The following RBM46 variants were observed in gnomAD, a reference collection of about 807,000 sequenced individuals.
RBM46 encodes RNA binding motif protein 46.
A neutral mutation model predicts 43.3 loss-of-function variants in RBM46; 12 were observed. That is an observed-to-expected ratio of 0.28 (90% CI 0.18 to 0.45). RBM46 has a LOEUF of 0.45. Ranked by LOEUF, RBM46 falls within the 20% of genes least tolerant of loss-of-function variation. The probability of loss-of-function intolerance (pLI) is 1.00; values close to 1 mark genes in which losing one functional copy is unlikely to be tolerated. For synonymous variants in RBM46, 205 were observed against 207.6 expected (o/e 0.99, Z 0.11); for missense variants, 412 against 639.1 (o/e 0.64, Z 3.83).
intron 4 of RBM46, among the ~76,000 whole-genome samples, chr4:154,809,571 A>G (rs1735080012): frequency 6.6e-6 from 1 of 152,158 alleles, no homozygotes; most frequent in Non-Finnish European, 1.5e-5. Flanking sequence ...CTTTAAATAT[A>G]TAGTATATTG....
rs1734441625 is a variant in RBM46, at chr4:154,798,184, A to G, written c.525A>G (p.Pro175=). 1.9e-6 allele frequency: 3 copies of G among 1,613,892 alleles called. No homozygotes were observed. Among genetic ancestry groups the G allele is most frequent in the Non-Finnish European group, 1.7e-6 (2 of 1,179,936 alleles). ...TEGVVDVIVY[P]SATDKTKNRG... ...GAGTTGTAGATGTCATTGTTTATCC[A>G]AGTGCAACTGATAAGACCAAAAATC... The change falls in exon 3 of 5, where the codon CCA becomes CCG. Residue 175 remains proline, a synonymous_variant. Transcript: ENST00000281722.
At chr4:154,789,803 C>G (rs537590835) in intron 1 of RBM46, among the ~76,000 whole-genome samples, 3 of 152,134 alleles carry the variant, frequency 2.0e-5, no homozygotes, top group Non-Finnish European at 4.4e-5. Flanking sequence ...CCATCTGGTC[C>G]TGGACTTTTT....
At position 154,827,853 on chromosome 4, in the gene RBM46, T is replaced by C; in HGVS notation, c.1403-15T>C. On this transcript the variant is annotated splice_polypyrimidine_tract_variant and intron_variant, in intron 4 of 4. Transcript: ENST00000281722. ...TAAAGATGTACAGCATAATTGTTCA[T>C]GTATTTATTTACAGACTACAATTTC... 3 of 1,612,878 alleles carry C rather than the reference T, an allele frequency of 1.9e-6. No individual in the cohort carries two copies. Among genetic ancestry groups the C allele is most frequent in the Non-Finnish European group, 2.5e-6 (3 of 1,178,906 alleles).
Position 154,785,223 on chromosome 4 carries a change from A to G in RBM46, c.-12+3787A>G, listed in dbSNP as rs142133768. Among the ~76,000 whole-genome samples the G allele has an allele frequency of 3.3e-5, 5 of 152,190 alleles. No individual in the cohort carries two copies. The East Asian group carries it at 9.7e-4, about 29-fold the overall frequency. On this transcript the variant is annotated intron_variant, in intron 1 of 4. Coordinates refer to ENST00000281722, the MANE Select transcript of RBM46 (RefSeq NM_144979.5). Reference sequence around the variant, plus strand: ...AGTCTAGCATATGTTTCTAGTCATTATCTAGTAAAAGGAGCCTTTAATGTG... The same window carrying G: ...AGTCTAGCATATGTTTCTAGTCATTGTCTAGTAAAAGGAGCCTTTAATGTG...
chr4:154,821,787 C>A (rs919207795), intron 4 of RBM46, among the ~76,000 whole-genome samples: 1 of 151,646 alleles, frequency 6.6e-6, no homozygotes, highest in South Asian at 2.1e-4. Context: ...ATTGAGATTT[C>A]TTCCCTGATA....
chr4:154,790,262 T>G (rs1209810493), intron 1 of RBM46: 1 of 152,176 alleles, frequency 6.6e-6, no homozygotes, highest in East Asian at 1.9e-4. Context: ...ATTGTGATGT[T>G]AGGGTGTCAA....
chr4:154,802,608 C>T (rs1734692618), intron 4 of RBM46, among the ~76,000 whole-genome samples: 1 of 152,136 alleles, frequency 6.6e-6, no homozygotes, highest in Non-Finnish European at 1.5e-5. Context: ...TTACGTAGTC[C>T]AAGGATTGAA....
At chr4:154,807,630 T>C (rs1203459120) in intron 4 of RBM46, among the ~76,000 whole-genome samples, 1 of 151,942 alleles carries the variant, frequency 6.6e-6, no homozygotes, top group Non-Finnish European at 1.5e-5. Context: ...TAATATCTGA[T>C]ATATCATCAA....
chr4:154,826,716 T>A, intron 4 of RBM46: 1 of 1,096,728 alleles, frequency 9.1e-7, no homozygotes, highest in South Asian at 1.5e-5. Flanking sequence ...ATTAAACCTA[T>A]ATTTAACTGA....
chr4:154,805,280 T>G (rs903057803), intron 4 of RBM46, among the ~76,000 whole-genome samples: 1 of 152,186 alleles, frequency 6.6e-6, no homozygotes, highest in Non-Finnish European at 1.5e-5. Context: ...CTGCTTTTCC[T>G]CTGAGCAAGT....
chr4:154,791,043 A>G (rs1734064151), intron 1 of RBM46, among the ~76,000 whole-genome samples: 1 of 152,236 alleles, frequency 6.6e-6, no homozygotes, highest in Admixed American at 6.5e-5. Flanking sequence ...GGAAGAAGAG[A>G]CAGGATAATG....
chr4:154,790,027 T>A (rs1218956053), intron 1 of RBM46, among the ~76,000 whole-genome samples: 5 of 152,200 alleles, frequency 3.3e-5, no homozygotes, highest in African/African-American at 1.2e-4. Flanking sequence ...GATATCCCCT[T>A]TATCATTTTT....
At chr4:154,820,397 TAGA>T in intron 4 of RBM46, 1 of 1,525,166 alleles carries the variant, frequency 6.6e-7, no homozygotes, top group East Asian at 2.5e-5. Context: ...TGGACCTGTG[TAGA>T]AGAATTTGGA....
Position 154,781,448 on chromosome 4 carries a change from A to G in RBM46, c.-12+12A>G, listed in dbSNP as rs933299653. ...GAAGACCCGAAGGGGTGAGGAGGGG[A>G]AAGGGGAAACGGGGTCACTACCAGA... On this transcript the variant is annotated intron_variant, in intron 1 of 4. Coordinates refer to ENST00000281722, the MANE Select transcript of RBM46 (RefSeq NM_144979.5). The G allele has an allele frequency of 3.3e-5, 5 of 152,238 alleles. 1 individual carries two copies. Among genetic ancestry groups the G allele is most frequent in the Admixed American group, 2.0e-4 (3 of 15,280 alleles). The allele number at this position is 152,238 out of a possible 1,614,324, so 9.4% of individuals were successfully genotyped here.
intron 4 of RBM46, 119 bp downstream of exon 4, chr4:154,799,683 T>C (rs1334040847): frequency 3.1e-6 from 2 of 641,650 alleles, no homozygotes; most frequent in Non-Finnish European, 4.7e-6. Flanking sequence ...ATAAATTTTA[T>C]CTCAATTTTA....
rs764543238 is a variant in RBM46, at chr4:154,827,895, A to G, written c.1430A>G (p.Asn477Ser). ...TACAATTTCCATCGCAGCTCAATAAATAGTCTTTCCCCTGTTAGTGCTACC... is the reference window on the plus strand; with the variant it reads ...TACAATTTCCATCGCAGCTCAATAAGTAGTCTTTCCCCTGTTAGTGCTACC... ...LDYNFHRSSI[N>S]SLSPVSATLS... Residue 477 changes from asparagine (N) to serine (S), a missense_variant, in exon 5 of 5, where the codon AAT (asparagine) becomes AGT (serine). By Grantham distance (46) the Asn-to-Ser change is conservative (BLOSUM62 1). Coordinates refer to ENST00000281722, the MANE Select transcript of RBM46 (RefSeq NM_144979.5). The G allele has an allele frequency of 3.1e-6, 5 of 1,613,796 alleles. No individual in the cohort carries two copies. In the African/African-American group the frequency reaches 5.3e-5, roughly 17 times the overall value.
At chr4:154,796,338 G>C (rs189027386) in intron 1 of RBM46, among the ~76,000 whole-genome samples, 18 of 152,290 alleles carry the variant, frequency 1.2e-4, no homozygotes, top group Admixed American at 8.5e-4. Context: ...GGAAAATCCA[G>C]TTGGCTTAGA....
intron 4 of RBM46, among the ~76,000 whole-genome samples, chr4:154,804,953 G>A (rs1266852745): frequency 6.6e-6 from 1 of 151,828 alleles, no homozygotes; most frequent in Non-Finnish European, 1.5e-5. Context: ...AGTGATGAAG[G>A]CAGATACACA....
chr4:154,816,805 T>C (rs1476754570), intron 4 of RBM46, among the ~76,000 whole-genome samples: 1 of 152,150 alleles, frequency 6.6e-6, no homozygotes, highest in African/African-American at 2.4e-5. Flanking sequence ...ATGTGTGTTA[T>C]AGCTTTTATT....
Sources: allele counts gnomAD v4.1 joint callset (sites outside exome capture counted in the v4.1 genomes callset), GRCh38; gene constraint gnomAD v4.1.1; transcripts MANE v1.5; gene names NCBI Gene and HGNC (gene_info 2026-07-23, HGNC 2026-07-21).